The following MAP2 variants were observed in gnomAD, a reference collection of about 807,000 sequenced individuals.
MAP2 encodes microtubule-associated protein 2.
In MAP2, 14 loss-of-function variants were observed where a neutral mutation model predicts 137.6. The ratio of observed to expected loss-of-function variants is 0.10; its 90% CI spans 0.07 to 0.16. The LOEUF (loss-of-function observed/expected upper bound fraction) is 0.16, where lower values mean the gene tolerates loss of function less well. Ranked by LOEUF, MAP2 falls within the 10% of genes least tolerant of loss-of-function variation. The pLI, the probability that MAP2 is intolerant of heterozygous loss-of-function variation, is 1.00. For missense variants in MAP2, 2,088 were observed against 2,191.5 expected, an observed-to-expected ratio of 0.95 and a Z score of 0.94; for synonymous variants, 786 against 782.3, an observed-to-expected ratio of 1.00 and a Z score of -0.08.
chr2:209,556,198 G>A (rs2070593991), intron 2 of MAP2, among the ~76,000 whole-genome samples: 1 of 151,622 alleles, frequency 6.6e-6, no homozygotes, highest in African/African-American at 2.4e-5. Flanking sequence ...ATACCACCAT[G>A]CCCAGCTAAT....
intron 4 of MAP2, among the ~76,000 whole-genome samples, chr2:209,648,796 AAAAAAAAG>A (rs1488413788): frequency 7.0e-6 from 1 of 143,072 alleles, no homozygotes; most frequent in Non-Finnish European, 1.5e-5. Flanking sequence ...CTCAAAAAAA[AAAAAAAAG>A]AAAGAAAGAA....
At chr2:209,597,351 TA>T (rs1167257181) in intron 3 of MAP2, among the ~76,000 whole-genome samples, 3 of 152,220 alleles carry the variant, frequency 2.0e-5, no homozygotes, top group Non-Finnish European at 4.4e-5. Flanking sequence ...ATCACTTTTA[TA>T]TTAAAATTGT....
chr2:209,606,548 T>A (rs1371252009), intron 3 of MAP2, among the ~76,000 whole-genome samples: 4 of 151,902 alleles, frequency 2.6e-5, no homozygotes, highest in Admixed American at 6.6e-5. Flanking sequence ...GGCATGGAAT[T>A]GGGGTTAAAA....
At position 209,505,554 on chromosome 2, in the gene MAP2, T is replaced by A. The variant is rs76968208; in HGVS notation, c.-221-2038T>A. Among the ~76,000 whole-genome samples the A allele has an allele frequency of 7.0e-4, 107 of 152,318 alleles. 1 individual carries two copies. Among genetic ancestry groups the A allele is most frequent in the African/African-American group, 2.4e-3 (100 of 41,578 alleles). On this transcript the variant is annotated intron_variant, in intron 1 of 15. Transcript: ENST00000682079. ...AAATCAAAACCCAACTTTGCAAAGC[T>A]GTAACATCATTGAAAGGAATGTAGC...
intron 1 of MAP2, among the ~76,000 whole-genome samples, chr2:209,429,054 C>T (rs1693457931): frequency 6.6e-6 from 1 of 151,970 alleles, no homozygotes. Context: ...CCCGGGTTCA[C>T]GCCATTCTCC....
At chr2:209,690,557 T>C (rs2058544636) in intron 7 of MAP2, 1 of 1,220,716 alleles carries the variant, frequency 8.2e-7, no homozygotes, top group Non-Finnish European at 1.0e-6. Context: ...TGTCGTTTCA[T>C]GTATTGTTCT....
At chr2:209,704,334 T>C in intron 11 of MAP2, 1 of 771,964 alleles carries the variant, frequency 1.3e-6, no homozygotes, top group Non-Finnish European at 2.0e-6. Flanking sequence ...CCATTTATCA[T>C]GTGTTCTTAT....
chr2:209,712,698 G>GCCT (rs2065917937), intron 13 of MAP2, among the ~76,000 whole-genome samples: 1 of 152,072 alleles, frequency 6.6e-6, no homozygotes, highest in South Asian at 2.1e-4. Context: ...CCCCTTAAAA[G>GCCT]CCTCCTTACA....
chr2:209,537,209 A>G (rs1164317496), intron 2 of MAP2, among the ~76,000 whole-genome samples: 1 of 152,014 alleles, frequency 6.6e-6, no homozygotes, highest in Non-Finnish European at 1.5e-5. Context: ...GATATTTCAA[A>G]CTTTTAAATT....
intron 4 of MAP2, among the ~76,000 whole-genome samples, chr2:209,640,474 C>T (rs1374463357): frequency 6.6e-6 from 1 of 151,240 alleles, no homozygotes; most frequent in Non-Finnish European, 1.5e-5. Flanking sequence ...CTATAATGTT[C>T]ATAACAGGAT....
chr2:209,582,657 T>TGATAGATAGATA lies in MAP2; in HGVS notation c.-107+2592_-107+2603dup, dbSNP rs66881504. 2.1e-3 allele frequency among the ~76,000 whole-genome samples: 307 copies of TGATAGATAGATA among 149,748 alleles called. 2 individuals are homozygous for TGATAGATAGATA. Among genetic ancestry groups the TGATAGATAGATA allele is most frequent in the Middle Eastern group, 6.9e-3 (2 of 288 alleles). On this transcript the variant is annotated intron_variant, in intron 3 of 15. Coordinates refer to ENST00000682079, the MANE Select transcript of MAP2 (RefSeq NM_001375505.1). ...ATTTAAGGATAGATAGATAGATAGA[T>TGATAGATAGATA]GATAGATAGATAGATAGATAGATAG...
rs748099259 is a variant in MAP2, at chr2:209,730,274, C to A, written c.5361C>A (p.Ser1787Arg). The A allele has an allele frequency of 1.2e-6, 2 of 1,614,056 alleles. No individual in the cohort carries two copies. The change falls in exon 16 of 16, where the codon AGC (serine) becomes AGA (arginine). Residue 1787 changes from serine (S) to arginine (R), a missense_variant. Ser to Arg is a moderately radical substitution (Grantham distance 110). This residue lies in a region of MAP2 where 112 missense variants were observed against 201.0 expected (regional missense o/e 0.56). Transcript: ENST00000682079. ...TTACACAGTCCCCAGGCAGATCCAG[C>A]GTGGCATCACCCCGACGACTCAGCA... ...EIITQSPGRS[S>R]VASPRRLSNV...
chr2:209,551,971 T>G (rs1179139032), intron 2 of MAP2, among the ~76,000 whole-genome samples: 4 of 152,204 alleles, frequency 2.6e-5, no homozygotes, highest in Non-Finnish European at 4.4e-5. Context: ...CCCCACTCAA[T>G]ATACCATACT....
At chr2:209,479,588 G>A (rs1447451964) in intron 1 of MAP2, among the ~76,000 whole-genome samples, 1 of 152,020 alleles carries the variant, frequency 6.6e-6, no homozygotes, top group African/African-American at 2.4e-5. Context: ...GTTGATTTCA[G>A]CATTCTCAGA....
chr2:209,498,930 G>A (rs1001426877), intron 1 of MAP2, among the ~76,000 whole-genome samples: 1 of 152,182 alleles, frequency 6.6e-6, no homozygotes, highest in Non-Finnish European at 1.5e-5. Context: ...TATCTTGGCT[G>A]TGAGTGTTTG....
chr2:209,428,927 A>C lies in MAP2; in HGVS notation c.-222+4651A>C, dbSNP rs1161741605. ...TCTTTGAATTACTTTATTTTATTTTATTTATTTATTTATTTATTTATTTAT... is the reference window on the plus strand; with the variant it reads ...TCTTTGAATTACTTTATTTTATTTTCTTTATTTATTTATTTATTTATTTAT... On this transcript the variant is annotated intron_variant, in intron 1 of 15. Transcript: ENST00000682079. Among the ~76,000 whole-genome samples, 13 of 29,608 alleles carry C rather than the reference A, an allele frequency of 4.4e-4. No individual in the cohort carries two copies. In the East Asian group the frequency reaches 4.4e-3, roughly 10 times the overall value. The allele number at this position is 29,608 out of a possible 152,430, so 19.4% of individuals were successfully genotyped here.
chr2:209,576,795 T>A (rs2075431786), intron 2 of MAP2, among the ~76,000 whole-genome samples: 1 of 152,192 alleles, frequency 6.6e-6, no homozygotes. Flanking sequence ...GTATCTCAAT[T>A]GTCGGTTGTC....
chr2:209,684,131 T>C (rs1337976636), intron 7 of MAP2, among the ~76,000 whole-genome samples: 1 of 152,202 alleles, frequency 6.6e-6, no homozygotes, highest in Non-Finnish European at 1.5e-5. Flanking sequence ...TAACCTCCTT[T>C]TTCTTTTTGG....
chr2:209,708,069 C>T (rs965339512), intron 12 of MAP2, among the ~76,000 whole-genome samples: 1 of 152,156 alleles, frequency 6.6e-6, no homozygotes, highest in Non-Finnish European at 1.5e-5. Context: ...GATGATCCCT[C>T]TCCCCAGAAT....
Sources: gnomAD v4.1 joint callset for allele counts (sites outside exome capture counted in the v4.1 genomes callset) on GRCh38, gnomAD v4.1.1 for gene constraint, gnomAD v4.1.1 regional missense constraint, MANE v1.5 for transcripts, NCBI Gene and HGNC (gene_info 2026-07-23, HGNC 2026-07-21) for gene names.